The following AKR1E2 variants were observed in gnomAD, a reference collection of about 807,000 sequenced individuals.
AKR1E2 encodes the protein aldo-keto reductase family 1 member E2, also known as 1,5-anhydro-D-fructose reductase.
Under a neutral mutation model 41.9 loss-of-function variants are expected in AKR1E2, and 43 were observed. The observed-to-expected ratio is 1.03, with a 90% CI of 0.80 to 1.32. The LOEUF (loss-of-function observed/expected upper bound fraction) is 1.32. Ranked by LOEUF, AKR1E2 falls within the 40% of genes most tolerant of loss-of-function variation. The pLI, the probability that AKR1E2 is intolerant of heterozygous loss-of-function variation, is 0.00. For synonymous variants in AKR1E2, 121 were observed against 138.9 expected (o/e 0.87, Z 0.91); for missense variants, 423 against 396.5 (o/e 1.07, Z -0.57).
the AKR1E2 span, among the ~76,000 whole-genome samples, chr10:4,868,200 T>G: frequency 1.8e-4 from 27 of 152,224 alleles, no homozygotes; most frequent in Middle Eastern, 3.4e-3. Context: ...GTTGCTTACT[T>G]TTTTCCCACA....
At chr10:4,858,152 C>T in the AKR1E2 span, among the ~76,000 whole-genome samples, 3 of 152,126 alleles carry the variant, frequency 2.0e-5, no homozygotes, top group African/African-American at 4.8e-5. Flanking sequence ...TTCAGGAAAA[C>T]GAGTCAAAAT....
At chr10:4,834,638 A>C (rs1488528857) in intron 3 of AKR1E2, among the ~76,000 whole-genome samples, 2 of 152,352 alleles carry the variant, frequency 1.3e-5, no homozygotes, top group East Asian at 1.9e-4. Context: ...AGATGATGAA[A>C]CTAAGATACA....
At chr10:4,826,440 C>G in intron 1 of AKR1E2, 77 bp downstream of exon 1, 3 of 1,196,366 alleles carry the variant, frequency 2.5e-6, no homozygotes, top group Non-Finnish European at 3.1e-6. Context: ...GGGACCCAGG[C>G]CGGGGCTGGG....
intron 2 of AKR1E2, 50 bp from the exon 3 acceptor site, chr10:4,833,300 A>T (rs1184628407): frequency 6.9e-7 from 1 of 1,454,854 alleles, no homozygotes. Flanking sequence ...AATGGGTGCC[A>T]TGCTGGCTCT....
the AKR1E2 span, among the ~76,000 whole-genome samples, chr10:4,853,981 A>G: frequency 1.3e-5 from 2 of 151,166 alleles, no homozygotes; most frequent in Non-Finnish European, 2.9e-5. Context: ...GAAATAATGT[A>G]CTCCTTGTTT....
intron 8 of AKR1E2, among the ~76,000 whole-genome samples, chr10:4,846,835 C>T (rs746971997): frequency 2.4e-4 from 36 of 152,274 alleles, no homozygotes; most frequent in African/African-American, 3.1e-4. Context: ...TGAACCACCG[C>T]GCCCAGCCGC....
At chr10:4,857,580 T>C in the AKR1E2 span, among the ~76,000 whole-genome samples, 3 of 152,228 alleles carry the variant, frequency 2.0e-5, no homozygotes, top group Non-Finnish European at 4.4e-5. Flanking sequence ...CTTTTCTTTG[T>C]AAATTACCCA....
At chr10:4,828,799 T>C (rs1399303121) in intron 1 of AKR1E2, among the ~76,000 whole-genome samples, 2 of 152,240 alleles carry the variant, frequency 1.3e-5, no homozygotes, top group African/African-American at 4.8e-5. Flanking sequence ...ATGTCTTTTG[T>C]TGGAATTATT....
chr10:4,837,686 C>G (rs1833541912), intron 5 of AKR1E2, 105 bp downstream of exon 5: 1 of 1,496,598 alleles, frequency 6.7e-7, no homozygotes, highest in Non-Finnish European at 9.0e-7. Context: ...AAGCACAAAA[C>G]AGGCCTGTTC....
chr10:4,844,580 A>T (rs1208336288), intron 8 of AKR1E2, among the ~76,000 whole-genome samples: 1 of 152,096 alleles, frequency 6.6e-6, no homozygotes, highest in African/African-American at 2.4e-5. Flanking sequence ...GTGCATTTAC[A>T]ATCCCTGAGC....
At chr10:4,854,650 C>A in the AKR1E2 span, among the ~76,000 whole-genome samples, 1 of 152,104 alleles carries the variant, frequency 6.6e-6, no homozygotes, top group Non-Finnish European at 1.5e-5. Context: ...GAGGAGACCT[C>A]CCACCCAAAG....
chr10:4,869,484 AT>A, the AKR1E2 span, among the ~76,000 whole-genome samples: 5 of 151,094 alleles, frequency 3.3e-5, no homozygotes, highest in Admixed American at 1.3e-4. Flanking sequence ...TCTTTGCTTC[AT>A]TTTTTTTCTC....
At position 4,837,723 on chromosome 10, in the gene AKR1E2, T is replaced by C. The variant is rs1901642; in HGVS notation, c.582+142T>C. 0.042 allele frequency: 56,621 copies of C among 1,338,154 alleles called. 1,556 individuals carry two copies. Among genetic ancestry groups the C allele is most frequent in the East Asian group, 0.12 (4,760 of 39,376 alleles). 82.9% of individuals were successfully genotyped at this position (1,338,154 alleles called of 1,614,324 possible). ...CCTCTGGCAGCACTCAGAATGGTGA[T>C]TAAAGGCAGCAGCTAGGCAAGTGGC... On this transcript the variant is annotated intron_variant, in intron 5 of 9. Coordinates refer to ENST00000298375, the MANE Select transcript of AKR1E2 (RefSeq NM_001040177.3).
chr10:4,870,919 A>G, the AKR1E2 span, among the ~76,000 whole-genome samples: 1 of 152,150 alleles, frequency 6.6e-6, no homozygotes. Context: ...ATTTGATGGC[A>G]TGAACGTTAA....
the AKR1E2 span, among the ~76,000 whole-genome samples, chr10:4,855,137 C>T: frequency 6.6e-6 from 1 of 152,164 alleles, no homozygotes; most frequent in Non-Finnish European, 1.5e-5. Context: ...TTTCTCTGTC[C>T]TCCCTGAGCA....
Position 4,833,439 on chromosome 10 carries a change from C to A in AKR1E2, c.297C>A (p.Tyr99Ter). ...TGAAGCTGAACTATTTGGACCTCTA[C>A]CTCATACACTGGCCCATGGGTTTCA... ...KALKLNYLDL[Y>*]LIHWPMGFKP... is the part of the protein sequence containing the mutation. The change falls in exon 3 of 10, where the codon TAC becomes TAA. Residue 99 changes from tyrosine (Y) to a stop codon, truncating the protein, a stop_gained. Coordinates refer to ENST00000298375, the MANE Select transcript of AKR1E2 (RefSeq NM_001040177.3). LOFTEE classifies it high-confidence loss of function. 1 of 1,614,088 alleles carries A rather than the reference C, an allele frequency of 6.2e-7. No homozygotes were observed. Among genetic ancestry groups the A allele is most frequent in the Non-Finnish European group, 8.5e-7 (1 of 1,179,972 alleles).
the AKR1E2 span, among the ~76,000 whole-genome samples, chr10:4,863,851 G>T: frequency 6.6e-6 from 1 of 152,124 alleles, no homozygotes; most frequent in Non-Finnish European, 1.5e-5. Flanking sequence ...AAACAAATTA[G>T]AAAATCTAGA....
At chr10:4,833,280 G>A in intron 2 of AKR1E2, 70 bp from the exon 3 acceptor site, 2 of 1,233,874 alleles carry the variant, frequency 1.6e-6, no homozygotes, top group Non-Finnish European at 2.4e-6. Flanking sequence ...GTAGCTTTGT[G>A]GGGCTACAGA....
rs564829858 is a variant in AKR1E2 at position 4,839,958 on chromosome 10, G to C, written c.680+132G>C. 1.3e-5 allele frequency: 11 copies of C among 818,834 alleles called. No individual in the cohort carries two copies. In the South Asian group the frequency reaches 1.5e-4, roughly 11 times the overall value. 50.7% of individuals were successfully genotyped at this position (818,834 alleles called of 1,614,324 possible). A position where few individuals can be genotyped will look rare whatever the true frequency, so the allele number is the denominator to read the frequency against. On this transcript the variant is annotated intron_variant, in intron 6 of 9. Coordinates refer to ENST00000298375, the MANE Select transcript of AKR1E2 (RefSeq NM_001040177.3). ...GGGTGTGGAGGGATGGTACTATAGG[G>C]GGCTGTCCACACCTCTCAAGCCTGG...
Sources: allele counts gnomAD v4.1 joint callset (sites outside exome capture counted in the v4.1 genomes callset), GRCh38; gene constraint gnomAD v4.1.1; transcripts MANE v1.5; gene names NCBI Gene and HGNC (gene_info 2026-07-23, HGNC 2026-07-21).